The following PSD3 variants were observed in gnomAD, a reference collection of about 807,000 sequenced individuals.
PSD3 encodes pleckstrin and Sec7 domain containing 3.
In PSD3, 49 loss-of-function variants were observed where a neutral mutation model predicts 105.5. The ratio of observed to expected loss-of-function variants is 0.46; its 90% confidence interval spans 0.37 to 0.59. PSD3 has a LOEUF of 0.59. PSD3 is among the 20% of genes least tolerant of loss of function. PSD3 has a pLI of 0.00. For synonymous variants in PSD3, 557 were observed against 457.8 expected (o/e 1.22, Z -2.77); for missense variants, 1,561 against 1,263.8 (o/e 1.24, Z -3.57).
chr8:18,600,091 T>C (rs1804326745), intron 12 of PSD3, among the ~76,000 whole-genome samples: 1 of 152,152 alleles, frequency 6.6e-6, no homozygotes, highest in African/African-American at 2.4e-5. Context: ...GATGGGCATA[T>C]ATAGGATGGC....
chr8:18,624,871 T>A (rs1191773276), intron 11 of PSD3, among the ~76,000 whole-genome samples: 1 of 152,032 alleles, frequency 6.6e-6, no homozygotes, highest in Non-Finnish European at 1.5e-5. Context: ...AATTTTTTTT[T>A]ACTGTTTTTG....
At position 18,670,872 on chromosome 8, in the gene PSD3, G is replaced by T. The variant is rs1203354592; in HGVS notation, c.2173-15187C>A. Among the ~76,000 whole-genome samples the T allele has an allele frequency of 2.0e-5, 3 of 152,176 alleles. No individual in the cohort carries two copies. The South Asian group carries it at 6.2e-4, about 32-fold the overall frequency. On this transcript the variant is annotated intron_variant, in intron 9 of 15. Coordinates refer to ENST00000327040, the MANE Select transcript of PSD3 (RefSeq NM_015310.4). ...CCGGACACAGCAACTCGGGGAGCAG[G>T]GTGGGGGGATTTTCAATGTATAATC...
At chr8:19,020,823 C>T (rs1827339963) in intron 1 of PSD3, among the ~76,000 whole-genome samples, 1 of 152,150 alleles carries the variant, frequency 6.6e-6, no homozygotes. Flanking sequence ...TGGGACTGAA[C>T]TACCAGAAAA....
At chr8:18,640,958 G>A (rs547274314) in intron 10 of PSD3, among the ~76,000 whole-genome samples, 1 of 152,176 alleles carries the variant, frequency 6.6e-6, no homozygotes, top group Non-Finnish European at 1.5e-5. Flanking sequence ...TTCACAGCCT[G>A]TAATATGGTT....
chr8:19,072,417 T>G (rs999772358), intron 1 of PSD3, among the ~76,000 whole-genome samples: 1 of 152,218 alleles, frequency 6.6e-6, no homozygotes, highest in Non-Finnish European at 1.5e-5. Context: ...GCCTCAATAA[T>G]ACTCTTGTTT....
At chr8:18,629,203 T>C (rs1806716391) in intron 11 of PSD3, among the ~76,000 whole-genome samples, 1 of 151,956 alleles carries the variant, frequency 6.6e-6, no homozygotes, top group Non-Finnish European at 1.5e-5. Context: ...GTGTCGGACG[T>C]CATTTCATGA....
At chr8:18,902,024 A>G (rs1819537175) in intron 2 of PSD3, among the ~76,000 whole-genome samples, 2 of 152,350 alleles carry the variant, frequency 1.3e-5, no homozygotes, top group Admixed American at 1.3e-4. Context: ...GAAAAAAGAA[A>G]AAAAAAGACC....
chr8:18,889,290 C>G (rs963733235), intron 2 of PSD3, among the ~76,000 whole-genome samples: 2 of 152,098 alleles, frequency 1.3e-5, no homozygotes, highest in African/African-American at 2.4e-5. Context: ...CTCTTATTAT[C>G]TGTGTTCTTG....
At chr8:18,901,454 CTT>C (rs1291447762) in intron 2 of PSD3, among the ~76,000 whole-genome samples, 1 of 152,144 alleles carries the variant, frequency 6.6e-6, no homozygotes, top group Non-Finnish European at 1.5e-5. Context: ...AGAACACACT[CTT>C]GTTATTTTGT....
At chr8:18,995,490 T>C (rs998728582) in intron 1 of PSD3, among the ~76,000 whole-genome samples, 10 of 151,754 alleles carry the variant, frequency 6.6e-5, no homozygotes, top group African/African-American at 2.2e-4. Context: ...AATAGAGAAG[T>C]AGAGGAAGAG....
chr8:18,941,572 A>G (rs1378652812), intron 1 of PSD3, among the ~76,000 whole-genome samples: 2 of 152,158 alleles, frequency 1.3e-5, no homozygotes, highest in African/African-American at 4.8e-5. Flanking sequence ...TTTCACATTT[A>G]CAAAGAATTA....
At position 18,603,256 on chromosome 8, in the gene PSD3, C is replaced by T. The variant is rs796787584; in HGVS notation, c.2411-2822G>A. ...GAAGCTTTTAGGGTTTTGATTCCAA[C>T]AATCTGCCTCTAACCTTACTTTGGC... On this transcript the variant is annotated intron_variant, in intron 11 of 15. Transcript: ENST00000327040. Among the ~76,000 whole-genome samples the T allele has an allele frequency of 3.3e-5, 5 of 152,276 alleles. 1 individual carries two copies. Among genetic ancestry groups the T allele is most frequent in the African/African-American group, 1.2e-4 (5 of 41,554 alleles).
intron 9 of PSD3, among the ~76,000 whole-genome samples, chr8:18,763,176 AG>A (rs1806684467): frequency 6.6e-6 from 1 of 152,254 alleles, no homozygotes; most frequent in African/African-American, 2.4e-5. Flanking sequence ...TTAATCTAAA[AG>A]TATCAAGGTC....
At chr8:18,636,361 C>T (rs1807256695) in intron 10 of PSD3, among the ~76,000 whole-genome samples, 1 of 152,062 alleles carries the variant, frequency 6.6e-6, no homozygotes, top group Non-Finnish European at 1.5e-5. Context: ...TGTTTTTGTA[C>T]AGCTGTATAA....
At chr8:18,985,479 G>C (rs779573576) in intron 1 of PSD3, among the ~76,000 whole-genome samples, 3 of 152,168 alleles carry the variant, frequency 2.0e-5, no homozygotes, top group Non-Finnish European at 4.4e-5. Context: ...CCCTAGTTAA[G>C]AGATGATATA....
rs1799711866 is a variant in PSD3 at position 18,533,505 on chromosome 8, A to T, written c.*2238T>A. 6.6e-6 allele frequency: 1 copy of T among 152,180 alleles called. No homozygotes were observed. Among genetic ancestry groups the T allele is most frequent in the Non-Finnish European group, 1.5e-5 (1 of 68,046 alleles). 9.4% of individuals were successfully genotyped at this position (152,180 alleles called of 1,614,324 possible). On this transcript the variant is annotated 3_prime_UTR_variant, in exon 16 of 16. Transcript: ENST00000327040. Reference sequence around the variant, plus strand: ...GGTGCTGATGCTAGCCGAGTATTTCAACACTACTCTAAATGTCAGAAATAC... The same window carrying T: ...GGTGCTGATGCTAGCCGAGTATTTCTACACTACTCTAAATGTCAGAAATAC...
chr8:18,567,086 T>A (rs1388686557), intron 14 of PSD3, among the ~76,000 whole-genome samples: 1 of 152,236 alleles, frequency 6.6e-6, no homozygotes, highest in East Asian at 1.9e-4. Flanking sequence ...AACACTCATA[T>A]GTTGCTCTAA....
chr8:18,845,918 C>A (rs1206707975), intron 4 of PSD3, among the ~76,000 whole-genome samples: 1 of 152,204 alleles, frequency 6.6e-6, no homozygotes, highest in Non-Finnish European at 1.5e-5. Context: ...TGACCAATAG[C>A]ATGAATAATT....
chr8:19,055,909 T>C (rs908171626), intron 1 of PSD3, among the ~76,000 whole-genome samples: 2 of 152,208 alleles, frequency 1.3e-5, no homozygotes, highest in African/African-American at 2.4e-5. Context: ...TGCTGATGCA[T>C]ATGTCAGGAG....
Sources: gnomAD v4.1 joint callset for allele counts (sites outside exome capture counted in the v4.1 genomes callset) on GRCh38, gnomAD v4.1.1 for gene constraint, MANE v1.5 for transcripts, NCBI Gene and HGNC (gene_info 2026-07-23, HGNC 2026-07-21) for gene names.